Variants in PFKM observed in about 807,000 individuals in gnomAD.
The protein encoded by PFKM is ATP-dependent 6-phosphofructokinase, muscle type.
Under a neutral mutation model 95.5 loss-of-function variants are expected in PFKM, and 58 were observed. The ratio of observed to expected loss-of-function variants is 0.61; its 90% confidence interval spans 0.49 to 0.76. The LOEUF is 0.76. PFKM is among the 30% of genes least tolerant of loss of function. The probability of loss-of-function intolerance (pLI) is 0.00; values close to 1 mark genes in which losing one functional copy is unlikely to be tolerated. For missense variants in PFKM, 678 were observed against 1,005.4 expected (o/e 0.67, Z 4.40); for synonymous variants, 336 against 357.2 (o/e 0.94, Z 0.67).
chr12:48,133,193 C>A, intron 5 of PFKM, 122 bp from the exon 6 acceptor site: 1 of 1,268,126 alleles, frequency 7.9e-7, no homozygotes, highest in South Asian at 1.2e-5. Flanking sequence ...CAGTCTTTGC[C>A]CTCCTTTTTC....
chr12:48,142,944 C>T lies in PFKM; in HGVS notation c.1816C>T (p.Gln606Ter). ...FEEPFTIRDL[Q>*]ANVEHLVQKM... ...GGAGCCCTTCACCATTCGAGACCTG[C>T]AGGTAGCTGGCCACCCAGAGCCTGC... Residue 606 changes from glutamine (Q) to a stop codon, truncating the protein, a stop_gained and splice_region_variant, in exon 18 of 23, where the codon CAG (glutamine) becomes TAG (stop). Coordinates refer to ENST00000359794, the MANE Select transcript of PFKM (RefSeq NM_000289.6). LOFTEE classifies it high-confidence loss of function. The T allele has an allele frequency of 6.2e-7, 1 of 1,613,394 alleles. No homozygotes were observed. Among genetic ancestry groups the T allele is most frequent in the South Asian group, 1.1e-5 (1 of 91,032 alleles).
At chr12:48,105,854 GC>G (rs1946516746), upstream of PFKM, 1 of 602,816 alleles carries the variant, frequency 1.7e-6, no homozygotes, top group Admixed American at 3.0e-5. Flanking sequence ...CCACCGGACA[GC>G]AGGGGGGAGG....
chr12:48,125,334 G>A (rs779962440), intron 2 of PFKM: 16 of 448,822 alleles, frequency 3.6e-5, no homozygotes, highest in South Asian at 6.3e-5. Flanking sequence ...GAGATGGGAC[G>A]GGATCGGCCA....
chr12:48,133,418 C>T lies in PFKM; in HGVS notation c.531C>T (p.Gly177=), dbSNP rs1949727309. Residue 177 remains glycine (G), a synonymous_variant, in exon 6 of 23, where the codon GGC becomes GGT. Transcript: ENST00000359794. ...NDFCGTDMTI[G]TDSALHRIME... The stretch of plus-strand genomic sequence containing the variant: ...TCTGTGGCACCGATATGACCATTGG[C>T]ACTGACTCTGCCCTGCATCGGATCA... 1.1e-5 allele frequency: 17 copies of T among 1,614,038 alleles called. No homozygotes were observed. Among genetic ancestry groups the T allele is most frequent in the Non-Finnish European group, 1.4e-5 (16 of 1,179,904 alleles).
chr12:48,108,180 C>G, exon 3 of PFKM: 3 of 1,597,740 alleles, frequency 1.9e-6, no homozygotes, highest in Middle Eastern at 1.7e-4. Context: ...GGAAGCATAC[C>G]TGTTTTCAAA....
intron 3 of PFKM, among the ~76,000 whole-genome samples, chr12:48,110,973 T>C (rs532204473): frequency 2.0e-5 from 3 of 151,954 alleles, no homozygotes; most frequent in Non-Finnish European, 2.9e-5. Flanking sequence ...CAAAGAAAGG[T>C]GGTTAGCATT....
Position 48,131,303 on chromosome 12 carries a change from A to G in PFKM, c.160-13A>G, listed in dbSNP as rs772664063. On this transcript the variant is annotated splice_polypyrimidine_tract_variant and intron_variant, in intron 3 of 22. Transcript: ENST00000359794. ...AAGCCTAACGGGCTGAACAGGTATA[A>G]TGTGTCACACAGGGTTATCAAGGCC... The G allele has an allele frequency of 5.7e-6, 9 of 1,584,216 alleles. No individual in the cohort carries two copies. The highest frequency in any genetic ancestry group is 5.2e-6 in the Non-Finnish European group (6 of 1,152,848).
At chr12:48,135,220 C>T (rs747192227) in intron 9 of PFKM, 71 bp from the exon 10 acceptor site, 6 of 1,366,714 alleles carry the variant, frequency 4.4e-6, no homozygotes, top group Non-Finnish European at 6.3e-6. Flanking sequence ...CATGGTTTAC[C>T]CAAGTCTCTG....
chr12:48,118,571 A>C (rs1343458699), upstream of PFKM: 1 of 1,482,642 alleles, frequency 6.7e-7, no homozygotes, highest in Non-Finnish European at 9.1e-7. Flanking sequence ...AATGAAGCAA[A>C]GGGAAGGTGA....
Position 48,145,006 on chromosome 12 carries a change from G to A in PFKM, c.1993-25G>A, listed in dbSNP as rs772290988. 2.0e-6 allele frequency: 3 copies of A among 1,518,718 alleles called. No homozygotes were observed. The South Asian group carries it at 3.4e-5, about 17-fold the overall frequency. 94.1% of individuals were successfully genotyped at this position (1,518,718 alleles called of 1,614,324 possible). A position where few individuals can be genotyped will look rare whatever the true frequency, so the allele number is the denominator to read the frequency against. On this transcript the variant is annotated intron_variant, in intron 20 of 22. Transcript: ENST00000359794. This position sits in a 1 kb window ranked among gnomAD's most constrained non-coding sequence, Gnocchi z 4.3. ...CCACTTCATTAGAGTCCTTCCCTCT[G>A]TAATTTTTATGTTTCTTTCTCCAGG...
upstream of PFKM, among the ~76,000 whole-genome samples, chr12:48,117,204 T>C (rs1383207624): frequency 1.3e-5 from 2 of 152,250 alleles, no homozygotes; most frequent in Non-Finnish European, 2.9e-5. Context: ...TTCCATTGTA[T>C]AGCTGTATCA....
upstream of PFKM, chr12:48,118,549 G>T: frequency 6.6e-7 from 1 of 1,517,938 alleles, no homozygotes; most frequent in Non-Finnish European, 8.8e-7. Context: ...GAGGAGACCC[G>T]ACTGTGGAGA....
intron 1 of PFKM, chr12:48,120,026 TG>T (rs1415753222): frequency 1.3e-5 from 2 of 152,184 alleles, no homozygotes; most frequent in African/African-American, 4.8e-5. Flanking sequence ...GCCCCCGTCA[TG>T]AGCTCCAAGA....
upstream of PFKM, among the ~76,000 whole-genome samples, chr12:48,115,435 G>T (rs1036734543): frequency 3.3e-5 from 5 of 152,144 alleles, no homozygotes; most frequent in African/African-American, 1.2e-4. Context: ...AGGGAAGGGG[G>T]TGGATCTCAC....
At chr12:48,123,030 G>A (rs1032521376) in intron 2 of PFKM, among the ~76,000 whole-genome samples, 171 bp downstream of exon 2, 5 of 152,120 alleles carry the variant, frequency 3.3e-5, no homozygotes, top group East Asian at 1.9e-4. Context: ...TTTGCCATGC[G>A]TTTATTTACC....
At chr12:48,128,109 T>C (rs1412403351) in intron 2 of PFKM, among the ~76,000 whole-genome samples, 1 of 152,240 alleles carries the variant, frequency 6.6e-6, no homozygotes, top group African/African-American at 2.4e-5. Flanking sequence ...CTGCCAAGAA[T>C]ACTCTCCCTC....
rs1040038737 is a variant in PFKM, at chr12:48,141,528, A to T, written c.1412+147A>T. Reference sequence around the variant, plus strand: ...CACAGTTGCTGCCATGAGGGCAGACATGCCCATCTCAACATCTTTAGCAGC... The same window carrying T: ...CACAGTTGCTGCCATGAGGGCAGACTTGCCCATCTCAACATCTTTAGCAGC... On this transcript the variant is annotated intron_variant, in intron 15 of 22. Coordinates refer to ENST00000359794, the MANE Select transcript of PFKM (RefSeq NM_000289.6). The T allele has an allele frequency of 1.1e-4, 88 of 780,664 alleles. 2 individuals are homozygous for T. The South Asian group carries it at 1.3e-3, about 11-fold the overall frequency. 48.4% of individuals were successfully genotyped at this position (780,664 alleles called of 1,614,324 possible).
chr12:48,131,417 C>G (rs758848737), intron 4 of PFKM, 24 bp downstream of exon 4: 2 of 1,529,840 alleles, frequency 1.3e-6, no homozygotes, highest in Admixed American at 1.7e-5. Flanking sequence ...AACTCCCTGT[C>G]CCATATTTGC....
intron 11 of PFKM, 65 bp from the exon 12 acceptor site, chr12:48,139,220 A>G (rs1950368016): frequency 7.9e-7 from 1 of 1,260,650 alleles, no homozygotes; most frequent in Non-Finnish European, 1.2e-6. Context: ...CGACTGTGGG[A>G]TGGAGTTCCA....
Sources: gnomAD v4.1 joint callset for allele counts (sites outside exome capture counted in the v4.1 genomes callset) on GRCh38, gnomAD v4.1.1 for gene constraint, Gnocchi (gnomAD v3.1) non-coding constraint, MANE v1.5 for transcripts, NCBI Gene and HGNC (gene_info 2026-07-23, HGNC 2026-07-21) for gene names.